The following PPP2R3A variants were observed in gnomAD, a reference collection of about 807,000 sequenced individuals.
PPP2R3A encodes the protein serine/threonine-protein phosphatase 2A regulatory subunit B'' subunit alpha.
In PPP2R3A, 80 loss-of-function variants were observed where a neutral mutation model predicts 106.9. That is an observed-to-expected ratio of 0.75 (90% CI 0.62 to 0.90). The LOEUF (loss-of-function observed/expected upper bound fraction) is 0.90, where lower values mean the gene tolerates loss of function less well. Ranked by LOEUF, PPP2R3A falls within the 40% of genes least tolerant of loss-of-function variation. The pLI, the probability that PPP2R3A is intolerant of heterozygous loss-of-function variation, is 0.00. For missense variants in PPP2R3A, 1,386 were observed against 1,350.4 expected (o/e 1.03, Z -0.41); for synonymous variants, 483 against 468.3 (o/e 1.03, Z -0.41).
chr3:136,010,501 A>G (rs909543591), intron 2 of PPP2R3A, among the ~76,000 whole-genome samples: 4 of 124,286 alleles, frequency 3.2e-5, no homozygotes, highest in African/African-American at 1.3e-4. Flanking sequence ...ATCTCGGCTC[A>G]CTGCAAGCTC....
intron 13 of PPP2R3A, among the ~76,000 whole-genome samples, chr3:136,138,872 C>G (rs1938738629): frequency 6.6e-6 from 1 of 151,534 alleles, no homozygotes. Flanking sequence ...CCACCACGCC[C>G]AGCTAATTTT....
At chr3:135,998,561 A>C (rs1462564055) in intron 1 of PPP2R3A, among the ~76,000 whole-genome samples, 1 of 152,206 alleles carries the variant, frequency 6.6e-6, no homozygotes, top group Non-Finnish European at 1.5e-5. Flanking sequence ...CTATGTATCT[A>C]ATGACTTTTT....
At chr3:135,997,915 A>G (rs778956391) in intron 1 of PPP2R3A, among the ~76,000 whole-genome samples, 15 of 152,152 alleles carry the variant, frequency 9.9e-5, no homozygotes, top group Non-Finnish European at 1.6e-4. Context: ...GTTCCTATCT[A>G]TCCTCCACTC....
At chr3:136,077,331 A>C (rs535026034) in intron 6 of PPP2R3A, among the ~76,000 whole-genome samples, 5 of 152,324 alleles carry the variant, frequency 3.3e-5, no homozygotes, top group Non-Finnish European at 7.4e-5. Context: ...AAGGTGGTTT[A>C]GTCCCTCATT....
chr3:136,049,429 C>T (rs1415953460), intron 5 of PPP2R3A, 68 bp downstream of exon 5: 2 of 1,122,152 alleles, frequency 1.8e-6, no homozygotes, highest in Non-Finnish European at 2.6e-6. Context: ...TTAAAATTTA[C>T]AACTATAACA....
intron 2 of PPP2R3A, among the ~76,000 whole-genome samples, chr3:136,004,730 A>C (rs560630605): frequency 6.6e-6 from 1 of 152,320 alleles, no homozygotes; most frequent in South Asian, 2.1e-4. Context: ...TTAATGGTTA[A>C]TCCTGGAGGA....
intron 4 of PPP2R3A, among the ~76,000 whole-genome samples, chr3:136,044,892 C>T (rs747934578): frequency 2.6e-5 from 4 of 152,108 alleles, no homozygotes; most frequent in Non-Finnish European, 5.9e-5. Context: ...CCACCATGGA[C>T]GTTTGAGTTG....
At position 136,092,191 on chromosome 3, in the gene PPP2R3A, G is replaced by A. The variant is rs545877900; in HGVS notation, c.2927+1524G>A. Among the ~76,000 whole-genome samples the A allele has an allele frequency of 2.0e-5, 3 of 152,236 alleles. No homozygotes were observed. The East Asian group carries it at 5.8e-4, about 29-fold the overall frequency. On this transcript the variant is annotated intron_variant, in intron 10 of 13. Coordinates refer to ENST00000264977, the MANE Select transcript of PPP2R3A (RefSeq NM_002718.5). ...TAAAAATGTAAAAAATTAGCCAGGCGTGGTGATACATGCCTATAATCCCAG... is the reference window on the plus strand; with the variant it reads ...TAAAAATGTAAAAAATTAGCCAGGCATGGTGATACATGCCTATAATCCCAG...
intron 4 of PPP2R3A, among the ~76,000 whole-genome samples, chr3:136,044,313 A>C (rs1935396748): frequency 6.6e-6 from 1 of 152,126 alleles, no homozygotes; most frequent in Admixed American, 6.5e-5. Flanking sequence ...TTCCTTAATC[A>C]CTTGTTGAAT....
Position 136,002,950 on chromosome 3 carries a change from CTG to C in PPP2R3A, c.1454_1455del (p.Cys485Ter). On this transcript the variant is annotated frameshift_variant, in exon 2 of 14. Coordinates refer to ENST00000264977, the MANE Select transcript of PPP2R3A (RefSeq NM_002718.5). LOFTEE classifies it high-confidence loss of function. ...KSFVNLPKED[C>X]KSKVSKFEEG... ...CATTTGTTAATCTACCTAAGGAAGA[CTG>C]TAAATCAAAAGTTTCTAAATTTGAA... is the stretch of plus-strand genomic sequence containing the variant. 3 of 1,612,452 alleles carry C rather than the reference CTG, an allele frequency of 1.9e-6. No individual in the cohort carries two copies. Among genetic ancestry groups the C allele is most frequent in the Non-Finnish European group, 2.5e-6 (3 of 1,179,582 alleles).
chr3:136,026,715 AGT>A (rs1377267063), intron 2 of PPP2R3A, 115 bp from the exon 3 acceptor site: 34 of 884,970 alleles, frequency 3.8e-5, no homozygotes, highest in Non-Finnish European at 5.6e-5. Flanking sequence ...TTAAGAGTAC[AGT>A]GAGCCCTTAA....
At chr3:136,024,167 C>T (rs1037873436) in intron 2 of PPP2R3A, among the ~76,000 whole-genome samples, 13 of 152,080 alleles carry the variant, frequency 8.5e-5, no homozygotes, top group African/African-American at 3.1e-4. Context: ...TAATTCTATT[C>T]TAATGCTGCT....
At chr3:136,045,119 T>G (rs1450722448) in intron 4 of PPP2R3A, among the ~76,000 whole-genome samples, 1 of 152,198 alleles carries the variant, frequency 6.6e-6, no homozygotes. Context: ...ATCTGATCCA[T>G]GCACTCCCCT....
chr3:135,992,071 T>G (rs1256840355), intron 1 of PPP2R3A, among the ~76,000 whole-genome samples: 1 of 152,132 alleles, frequency 6.6e-6, no homozygotes, highest in African/African-American at 2.4e-5. Flanking sequence ...TTTTTTAAAT[T>G]TCTCAACTAT....
intron 1 of PPP2R3A, among the ~76,000 whole-genome samples, chr3:135,967,637 A>G (rs753925492): frequency 3.8e-4 from 58 of 152,150 alleles, no homozygotes; most frequent in Non-Finnish European, 6.0e-4. Context: ...CTCCTGACAA[A>G]CATAGTCCCC....
chr3:136,121,755 A>C (rs952409881), intron 13 of PPP2R3A, among the ~76,000 whole-genome samples: 11 of 152,168 alleles, frequency 7.2e-5, no homozygotes, highest in African/African-American at 2.7e-4. Flanking sequence ...AGAGCTTCTG[A>C]AAATTAAAAA....
At chr3:136,018,521 A>C (rs1934354025) in intron 2 of PPP2R3A, among the ~76,000 whole-genome samples, 1 of 152,236 alleles carries the variant, frequency 6.6e-6, no homozygotes, top group Admixed American at 6.5e-5. Flanking sequence ...AAGAGGGTTC[A>C]GAAAGTTCTA....
chr3:136,112,934 A>G (rs1342330143), intron 13 of PPP2R3A, among the ~76,000 whole-genome samples: 2 of 152,110 alleles, frequency 1.3e-5, no homozygotes, highest in Non-Finnish European at 2.9e-5. Context: ...GGAGTTCAAG[A>G]CCAGCCTGGC....
At position 136,103,344 on chromosome 3, in the gene PPP2R3A, C is replaced by G. The variant is rs1226817591; in HGVS notation, c.3190C>G (p.His1064Asp). 3.7e-6 allele frequency: 6 copies of G among 1,607,032 alleles called. 1 individual carries two copies. In the Admixed American group the frequency reaches 1.0e-4, roughly 27 times the overall value. ...CTTTAATCTGGAGAAATACTTAGAC[C>G]ATGAACAGAGAGATCCCTTTGCGGT... ...TFFNLEKYLDHEQRDPFAVQK... is the reference protein window; with the variant it reads ...TFFNLEKYLDDEQRDPFAVQK... Residue 1064 changes from histidine (H) to aspartate (D), a missense_variant, in exon 12 of 14, where the codon CAT becomes GAT. His to Asp is a moderately conservative substitution (Grantham distance 81). Transcript: ENST00000264977.
Sources: gnomAD v4.1 joint callset for allele counts (sites outside exome capture counted in the v4.1 genomes callset) on GRCh38, gnomAD v4.1.1 for gene constraint, MANE v1.5 for transcripts, NCBI Gene and HGNC (gene_info 2026-07-23, HGNC 2026-07-21) for gene names.